PCCA: variants seen among roughly 807,000 people sequenced by gnomAD.
The protein encoded by PCCA is propionyl-CoA carboxylase alpha chain, mitochondrial.
PCCA carries 74 observed loss-of-function variants against 101.3 expected under a neutral mutation model. The observed-to-expected ratio is 0.73, with a 90% CI of 0.61 to 0.89. The LOEUF (loss-of-function observed/expected upper bound fraction) is 0.89, where lower values mean the gene tolerates loss of function less well. PCCA is among the 40% of genes least tolerant of loss of function. The pLI, the probability that PCCA is intolerant of heterozygous loss-of-function variation, is 0.00. For synonymous variants in PCCA, 294 were observed against 313.6 expected (o/e 0.94, Z 0.66); for missense variants, 891 against 907.0 (o/e 0.98, Z 0.23).
At chr13:100,251,798 A>T (rs1415186865) in intron 8 of PCCA, among the ~76,000 whole-genome samples, 1 of 152,262 alleles carries the variant, frequency 6.6e-6, no homozygotes, top group Non-Finnish European at 1.5e-5. Flanking sequence ...GAACTCGAGG[A>T]TACAATATCA....
chr13:100,319,338 A>C (rs1230929546), intron 16 of PCCA, among the ~76,000 whole-genome samples: 1 of 151,854 alleles, frequency 6.6e-6, no homozygotes, highest in African/African-American at 2.4e-5. Context: ...TCTTTAGTTT[A>C]ATTAGATCCC....
chr13:100,463,360 GACA>G (rs2082302817), intron 21 of PCCA, among the ~76,000 whole-genome samples: 1 of 36,204 alleles, frequency 2.8e-5, no homozygotes, highest in African/African-American at 1.1e-4. Context: ...TTTTTTTTTT[GACA>G]ACTTATGGGA....
rs2049415807 is a variant in PCCA at position 100,121,685 on chromosome 13, A to G, written c.300+9624A>G. 2.0e-5 allele frequency among the ~76,000 whole-genome samples: 3 copies of G among 151,930 alleles called. No homozygotes were observed. The South Asian group carries it at 6.2e-4, about 32-fold the overall frequency. ...GAGGTGGAGTTTCACCACGTTGACC[A>G]GGCTGGGCTCAAACTCCTGACCTTG... is the stretch of plus-strand genomic sequence containing the variant. On this transcript the variant is annotated intron_variant, in intron 4 of 23. Coordinates refer to ENST00000376285, the MANE Select transcript of PCCA (RefSeq NM_000282.4).
intron 19 of PCCA, among the ~76,000 whole-genome samples, chr13:100,402,082 A>G (rs372696989): frequency 3.3e-5 from 5 of 152,172 alleles, no homozygotes; most frequent in African/African-American, 2.4e-5. Context: ...AAAGTGCATA[A>G]TAGAGTCCTT....
chr13:100,379,010 T>C (rs1435023387), intron 19 of PCCA, among the ~76,000 whole-genome samples: 1 of 152,196 alleles, frequency 6.6e-6, no homozygotes, highest in East Asian at 1.9e-4. Context: ...GTTTCCTGTG[T>C]CCTTACGTTG....
intron 21 of PCCA, among the ~76,000 whole-genome samples, chr13:100,450,366 C>T (rs1172109695): frequency 6.6e-6 from 1 of 150,996 alleles, no homozygotes; most frequent in Non-Finnish European, 1.5e-5. Context: ...TGCCCTCTAG[C>T]TTGTGTGACA....
At chr13:100,349,259 G>A in intron 18 of PCCA, among the ~76,000 whole-genome samples, 1 of 152,168 alleles carries the variant, frequency 6.6e-6, no homozygotes, top group East Asian at 1.9e-4. Context: ...AAGTAGCTGG[G>A]ATTACAGGCG....
intron 20 of PCCA, among the ~76,000 whole-genome samples, chr13:100,440,223 T>C (rs1252561194): frequency 7.7e-6 from 1 of 129,900 alleles, no homozygotes; most frequent in Non-Finnish European, 1.6e-5. Flanking sequence ...ACGTGATAAC[T>C]TAAAATGCCC....
chr13:100,385,885 T>C (rs1595700254), intron 19 of PCCA, among the ~76,000 whole-genome samples: 1 of 152,228 alleles, frequency 6.6e-6, no homozygotes, highest in East Asian at 1.9e-4. Context: ...GTGCTGCAAT[T>C]ATAGGCATGA....
intron 16 of PCCA, 110 bp from the exon 17 acceptor site, chr13:100,330,451 G>T: frequency 2.8e-6 from 2 of 704,920 alleles, no homozygotes; most frequent in South Asian, 1.5e-5. Flanking sequence ...AAGTAATCTT[G>T]AATGGTTTCT....
chr13:100,106,747 T>G (rs2047836121), intron 2 of PCCA, among the ~76,000 whole-genome samples: 1 of 152,112 alleles, frequency 6.6e-6, no homozygotes, highest in African/African-American at 2.4e-5. Context: ...ATACGAGGGA[T>G]AAAGGTGTAG....
chr13:100,430,933 G>A (rs1052465711), intron 20 of PCCA, among the ~76,000 whole-genome samples: 1 of 152,164 alleles, frequency 6.6e-6, no homozygotes, highest in Non-Finnish European at 1.5e-5. Flanking sequence ...ATGTATGAAT[G>A]CCCCCAAAAA....
At chr13:100,368,680 C>A in intron 19 of PCCA, 106 bp downstream of exon 19, 1 of 732,950 alleles carries the variant, frequency 1.4e-6, no homozygotes, top group East Asian at 2.7e-5. Context: ...TTTGTAGTAC[C>A]TCTATGTATT....
chr13:100,392,200 GGGAA>G lies in PCCA; in HGVS notation c.1746+23644_1746+23647del, dbSNP rs146665311. 1.1e-3 allele frequency among the ~76,000 whole-genome samples: 173 copies of G among 152,132 alleles called. 6 individuals carry two copies. The South Asian group carries it at 0.032, about 28-fold the overall frequency. ...CATTGGGGGCAGGGTAGAGGAGTTGGGGAAGGAAGGAAGGAAGGAAGAGAGAGAA... is the reference window on the plus strand; with the variant it reads ...CATTGGGGGCAGGGTAGAGGAGTTGGGGAAGGAAGGAAGGAAGAGAGAGAA... On this transcript the variant is annotated intron_variant, in intron 19 of 23. Coordinates refer to ENST00000376285, the MANE Select transcript of PCCA (RefSeq NM_000282.4).
At chr13:100,375,814 G>A (rs113125039) in intron 19 of PCCA, among the ~76,000 whole-genome samples, 18 of 152,186 alleles carry the variant, frequency 1.2e-4, no homozygotes, top group African/African-American at 3.1e-4. Context: ...AAATGTAAAC[G>A]GGCTAAATGC....
At chr13:100,335,690 C>G (rs906869434) in intron 17 of PCCA, among the ~76,000 whole-genome samples, 5 of 152,114 alleles carry the variant, frequency 3.3e-5, no homozygotes, top group African/African-American at 4.8e-5. Flanking sequence ...GACAAAGGAT[C>G]GAGGGAACAT....
chr13:100,515,181 GA>G (rs1030479007), intron 21 of PCCA, among the ~76,000 whole-genome samples: 3 of 152,184 alleles, frequency 2.0e-5, no homozygotes, highest in African/African-American at 7.2e-5. Flanking sequence ...AAAGATACAG[GA>G]TGATACTTAT....
intron 16 of PCCA, among the ~76,000 whole-genome samples, chr13:100,328,689 ATTTTTTTTTTT>A (rs757599001): frequency 1.5e-3 from 150 of 98,222 alleles, no homozygotes; most frequent in African/African-American, 4.9e-3. Context: ...GTTGAGGTTA[ATTTTTTTTTTT>A]TTTTTTTTTT....
intron 16 of PCCA, among the ~76,000 whole-genome samples, chr13:100,318,166 A>G (rs1386627000): frequency 1.3e-5 from 2 of 152,140 alleles, no homozygotes; most frequent in African/African-American, 2.4e-5. Context: ...GGAATGTGGA[A>G]TCTGTGCATG....
Sources: allele counts gnomAD v4.1 joint callset (sites outside exome capture counted in the v4.1 genomes callset), GRCh38; gene constraint gnomAD v4.1.1; transcripts MANE v1.5; gene names NCBI Gene and HGNC (gene_info 2026-07-23, HGNC 2026-07-21).